The following CMSS1 variants were observed in gnomAD, a reference collection of about 807,000 sequenced individuals.
The protein encoded by CMSS1 is protein CMSS1.
Under a neutral mutation model 43.5 loss-of-function variants are expected in CMSS1, and 33 were observed. The ratio of observed to expected loss-of-function variants is 0.76; its 90% CI spans 0.57 to 1.01. The LOEUF (loss-of-function observed/expected upper bound fraction) is 1.01, where lower values mean the gene tolerates loss of function less well. CMSS1 is among the 50% of genes least tolerant of loss of function. The pLI is 0.00. For synonymous variants in CMSS1, 115 were observed against 117.2 expected, an observed-to-expected ratio of 0.98 and a Z score of 0.12; for missense variants, 313 against 326.4, an observed-to-expected ratio of 0.96 and a Z score of 0.32.
intron 1 of CMSS1, among the ~76,000 whole-genome samples, chr3:99,856,711 A>G (rs1438540899): frequency 6.6e-6 from 1 of 152,176 alleles, no homozygotes; most frequent in African/African-American, 2.4e-5. Flanking sequence ...TTTGGTACTA[A>G]CCATAATTCT....
chr3:100,152,907 G>T (rs1394540529), intron 2 of CMSS1, among the ~76,000 whole-genome samples: 1 of 152,064 alleles, frequency 6.6e-6, no homozygotes, highest in East Asian at 1.9e-4. Context: ...TTGTTCAAGC[G>T]CATTCTTCAT....
At chr3:100,071,054 A>T (rs2065753153) in intron 1 of CMSS1, among the ~76,000 whole-genome samples, 1 of 148,642 alleles carries the variant, frequency 6.7e-6, no homozygotes, top group South Asian at 2.1e-4. Flanking sequence ...TTTTAAAAGA[A>T]AGGGGTTTGT....
chr3:100,008,435 G>T (rs1710050530), intron 1 of CMSS1, among the ~76,000 whole-genome samples: 1 of 152,154 alleles, frequency 6.6e-6, no homozygotes, highest in African/African-American at 2.4e-5. Context: ...TCATATAAGT[G>T]TTACCATGTG....
chr3:100,105,117 C>T (rs576498195), intron 1 of CMSS1, among the ~76,000 whole-genome samples: 28 of 152,244 alleles, frequency 1.8e-4, no homozygotes, highest in Non-Finnish European at 3.1e-4. Context: ...CACAAGTAAG[C>T]ATTGTTTAAG....
chr3:99,858,205 C>A (rs1349719276), intron 1 of CMSS1, among the ~76,000 whole-genome samples: 1 of 152,182 alleles, frequency 6.6e-6, no homozygotes, highest in African/African-American at 2.4e-5. Flanking sequence ...GTGGCTCACA[C>A]CTATAATCCC....
intron 1 of CMSS1, among the ~76,000 whole-genome samples, chr3:100,062,333 G>A (rs929926819): frequency 6.6e-6 from 1 of 151,636 alleles, no homozygotes; most frequent in Non-Finnish European, 1.5e-5. Flanking sequence ...GAATGGTCTC[G>A]ATCTCCTGAC....
At chr3:99,955,446 T>G (rs1576598785) in intron 1 of CMSS1, among the ~76,000 whole-genome samples, 1 of 152,230 alleles carries the variant, frequency 6.6e-6, no homozygotes, top group Non-Finnish European at 1.5e-5. Flanking sequence ...TGCTTTGTGC[T>G]TGGCTCTGGG....
intron 1 of CMSS1, among the ~76,000 whole-genome samples, chr3:99,862,003 TATC>T (rs1200796048): frequency 6.6e-6 from 1 of 152,184 alleles, no homozygotes; most frequent in Non-Finnish European, 1.5e-5. Context: ...AAAAAGTCCT[TATC>T]ATAGTGCCTG....
chr3:100,145,890 C>G (rs1258265298), intron 1 of CMSS1, among the ~76,000 whole-genome samples: 1 of 152,190 alleles, frequency 6.6e-6, no homozygotes, highest in Non-Finnish European at 1.5e-5. Flanking sequence ...ACAGCAACAC[C>G]CAGAATGTAT....
At chr3:100,080,567 A>G (rs981269105) in intron 1 of CMSS1, among the ~76,000 whole-genome samples, 1 of 152,186 alleles carries the variant, frequency 6.6e-6, no homozygotes, top group Admixed American at 6.5e-5. Context: ...AATCCAGCTT[A>G]GATTTTCTCC....
intron 1 of CMSS1, among the ~76,000 whole-genome samples, chr3:99,994,935 C>T (rs1032546152): frequency 2.6e-5 from 4 of 152,116 alleles, no homozygotes; most frequent in Non-Finnish European, 5.9e-5. Context: ...TATGGGAGTA[C>T]AATTCAAGTT....
intron 1 of CMSS1, among the ~76,000 whole-genome samples, chr3:99,880,775 A>G (rs909010757): frequency 6.6e-6 from 1 of 152,210 alleles, no homozygotes; most frequent in African/African-American, 2.4e-5. Context: ...GTCCTACCAC[A>G]TGAATACTGC....
chr3:99,821,259 A>T (rs1942433136), intron 1 of CMSS1, among the ~76,000 whole-genome samples: 1 of 152,206 alleles, frequency 6.6e-6, no homozygotes, highest in African/African-American at 2.4e-5. Context: ...GAATAAATAT[A>T]TGTGTGTATG....
intron 1 of CMSS1, among the ~76,000 whole-genome samples, chr3:99,988,870 T>G (rs1709431723): frequency 6.6e-6 from 1 of 152,242 alleles, no homozygotes; most frequent in South Asian, 2.1e-4. Context: ...TTCTCCTGGC[T>G]TCTGCCTTGG....
At chr3:99,828,578 T>G (rs575618907) in intron 1 of CMSS1, among the ~76,000 whole-genome samples, 3 of 151,622 alleles carry the variant, frequency 2.0e-5, no homozygotes, top group African/African-American at 7.3e-5. Context: ...TTCCTCCTAA[T>G]TAGCTAGGAC....
intron 1 of CMSS1, among the ~76,000 whole-genome samples, chr3:99,827,788 A>G (rs1432276295): frequency 6.6e-6 from 1 of 152,016 alleles, no homozygotes; most frequent in Non-Finnish European, 1.5e-5. Context: ...CATTTTTAGT[A>G]GAGACGAGGT....
At chr3:100,146,916 T>C in intron 1 of CMSS1, 57 bp from the exon 2 acceptor site, 1 of 1,568,338 alleles carries the variant, frequency 6.4e-7, no homozygotes, top group Non-Finnish European at 8.7e-7. Flanking sequence ...GGTACCAAGA[T>C]TGCACTAGCA....
At chr3:100,099,715 A>G (rs543706532) in intron 1 of CMSS1, among the ~76,000 whole-genome samples, 20 of 152,318 alleles carry the variant, frequency 1.3e-4, no homozygotes, top group Non-Finnish European at 2.8e-4. Context: ...ACCGTGTGCC[A>G]GACACTGTCC....
At chr3:99,945,906 A>C (rs763660531) in intron 1 of CMSS1, among the ~76,000 whole-genome samples, 6 of 152,240 alleles carry the variant, frequency 3.9e-5, no homozygotes, top group Admixed American at 6.5e-5. Flanking sequence ...TGGGCTTAGA[A>C]GTGCCACACA....
Sources: allele counts gnomAD v4.1 joint callset (sites outside exome capture counted in the v4.1 genomes callset), GRCh38; gene constraint gnomAD v4.1.1; transcripts MANE v1.5; gene names NCBI Gene and HGNC (gene_info 2026-07-23, HGNC 2026-07-21).